Variants in ABL1 observed in about 807,000 individuals in gnomAD.
ABL1 encodes tyrosine-protein kinase ABL1.
In ABL1, 11 loss-of-function variants were observed where a neutral mutation model predicts 94.7. The observed-to-expected ratio is 0.12, with a 90% confidence interval of 0.07 to 0.19. ABL1 has a LOEUF of 0.19. Ranked by LOEUF, ABL1 falls within the 10% of genes least tolerant of loss-of-function variation. ABL1 has a pLI of 1.00. For synonymous variants in ABL1, 656 were observed against 622.4 expected, an observed-to-expected ratio of 1.05 and a Z score of -0.80; for missense variants, 1,082 against 1,489.4, an observed-to-expected ratio of 0.73 and a Z score of 4.50.
rs574838685 is a variant in ABL1, at chr9:130,744,649, G to A, written c.136+30194G>A. ...AGGCGGATCACGAGGTCAGGAGATC[G>A]AGACCATCCTGGCTAATGTGATGAA... On this transcript the variant is annotated intron_variant, in intron 1 of 10. Transcript: ENST00000372348. 5.3e-5 allele frequency among the ~76,000 whole-genome samples: 8 copies of A among 150,000 alleles called. No individual in the cohort carries two copies. The South Asian group carries it at 1.5e-3, about 28-fold the overall frequency.
exon 1 of ABL1, among the ~76,000 whole-genome samples, chr9:130,713,155 C>T (rs969948001): frequency 6.6e-5 from 10 of 152,194 alleles, no homozygotes; most frequent in African/African-American, 1.2e-4. Context: ...CGGCCCCTAC[C>T]GGCGGGGGGC....
intron 1 of ABL1, among the ~76,000 whole-genome samples, chr9:130,753,084 G>C (rs1483930683): frequency 6.6e-6 from 1 of 151,434 alleles, no homozygotes; most frequent in African/African-American, 2.4e-5. Flanking sequence ...GTGAAACCCC[G>C]TCTCTACCAA....
chr9:130,852,963 G>A (rs912277383), intron 1 of ABL1, among the ~76,000 whole-genome samples: 3 of 152,090 alleles, frequency 2.0e-5, no homozygotes, highest in African/African-American at 7.2e-5. Flanking sequence ...GTCTTGTGAA[G>A]TAAGTCCTCA....
intron 1 of ABL1, among the ~76,000 whole-genome samples, chr9:130,775,206 A>G (rs954327764): frequency 4.6e-5 from 7 of 152,356 alleles, no homozygotes; most frequent in South Asian, 4.1e-4. Flanking sequence ...ATTCCCAAAG[A>G]TAAAGCTTCT....
chr9:130,827,630 C>T (rs937993641), intron 1 of ABL1, among the ~76,000 whole-genome samples: 3 of 152,178 alleles, frequency 2.0e-5, no homozygotes, highest in African/African-American at 7.2e-5. Context: ...CACCATGACT[C>T]ACGCCTGTAA....
At chr9:130,871,423 C>A (rs1158569701) in intron 4 of ABL1, among the ~76,000 whole-genome samples, 3 of 152,170 alleles carry the variant, frequency 2.0e-5, no homozygotes, top group Non-Finnish European at 2.9e-5. Context: ...TTTTCTCCCC[C>A]TTGGCATTTA....
chr9:130,757,015 A>AC (rs1312667545), intron 1 of ABL1, among the ~76,000 whole-genome samples: 2 of 152,060 alleles, frequency 1.3e-5, no homozygotes, highest in Non-Finnish European at 2.9e-5. Context: ...GGAAAGGGGG[A>AC]CCCAGAACAT....
Position 130,835,577 on chromosome 9 carries a change from C to G in ABL1, c.79+52C>G. ...TGAGTAGCCGCGCGCCCTCCCGCTG[C>G]TGCTGGGCCCTTCCTAGGCCTCGCC... is the stretch of plus-strand genomic sequence containing the variant. On this transcript the variant is annotated intron_variant, in intron 1 of 10. Transcript: ENST00000318560. The surrounding 1 kb of genome is among the most constrained non-coding windows in gnomAD (Gnocchi z 4.6). The G allele has an allele frequency of 6.7e-7, 1 of 1,487,698 alleles. No homozygotes were observed. Among genetic ancestry groups the G allele is most frequent in the South Asian group, 1.2e-5 (1 of 82,532 alleles). The allele number at this position is 1,487,698 out of a possible 1,614,324, so 92.2% of individuals were successfully genotyped here.
At chr9:130,837,781 C>T (rs1830611290) in intron 1 of ABL1, among the ~76,000 whole-genome samples, 1 of 152,228 alleles carries the variant, frequency 6.6e-6, no homozygotes, top group Non-Finnish European at 1.5e-5. Context: ...TAGTTCCTAA[C>T]ATCTGGATGA....
At chr9:130,871,442 G>A (rs1831250837) in intron 4 of ABL1, among the ~76,000 whole-genome samples, 1 of 152,136 alleles carries the variant, frequency 6.6e-6, no homozygotes, top group African/African-American at 2.4e-5. Flanking sequence ...TAGATACCAT[G>A]GACTTGTTAA....
At chr9:130,771,900 C>T (rs1278298270) in intron 1 of ABL1, among the ~76,000 whole-genome samples, 5 of 151,984 alleles carry the variant, frequency 3.3e-5, no homozygotes, top group Middle Eastern at 3.4e-3. Flanking sequence ...GCTACAGGCA[C>T]GTGCCACCAC....
At chr9:130,728,047 TCA>T (rs1403936301) in intron 1 of ABL1, among the ~76,000 whole-genome samples, 1 of 151,830 alleles carries the variant, frequency 6.6e-6, no homozygotes, top group Admixed American at 6.6e-5. Context: ...ATAAATACTC[TCA>T]GTTTTTGCCT....
intron 1 of ABL1, among the ~76,000 whole-genome samples, chr9:130,817,745 C>T (rs1053149539): frequency 6.6e-6 from 1 of 152,190 alleles, no homozygotes; most frequent in East Asian, 1.9e-4. Context: ...TCTAACAGAT[C>T]CATATGTGTC....
chr9:130,738,905 C>G (rs2132708557), intron 1 of ABL1, among the ~76,000 whole-genome samples: 1 of 152,202 alleles, frequency 6.6e-6, no homozygotes. Flanking sequence ...TCTTTTGAGA[C>G]AGGGTCTTGC....
intron 1 of ABL1, among the ~76,000 whole-genome samples, chr9:130,801,457 A>G (rs1411483725): frequency 1.3e-5 from 2 of 149,508 alleles, no homozygotes; most frequent in Non-Finnish European, 3.0e-5. Flanking sequence ...CGATCTCTTG[A>G]CCTCGTGATC....
intron 1 of ABL1, among the ~76,000 whole-genome samples, chr9:130,828,153 C>G (rs1265583034): frequency 6.6e-6 from 1 of 152,028 alleles, no homozygotes; most frequent in Non-Finnish European, 1.5e-5. Context: ...GGCAAGATCA[C>G]AGCTCACTGC....
intron 1 of ABL1, among the ~76,000 whole-genome samples, chr9:130,815,175 A>G (rs1165091158): frequency 6.6e-6 from 1 of 151,944 alleles, no homozygotes; most frequent in Non-Finnish European, 1.5e-5. Context: ...CTCTACTAAA[A>G]GTACAAAAAT....
rs924060073 is a variant in ABL1, at chr9:130,866,344, T to TA, written c.822+3318dup. On this transcript the variant is annotated intron_variant, in intron 4 of 10. Coordinates refer to ENST00000318560, the MANE Select transcript of ABL1 (RefSeq NM_005157.6). Reference sequence around the variant, plus strand: ...TTACATAAGCCACAGTTATGCCTTTTAAAAAAAAATCACCTTTTCCCCCCA... The same window carrying TA: ...TTACATAAGCCACAGTTATGCCTTTTAAAAAAAAAATCACCTTTTCCCCCCA... 1.9e-3 allele frequency among the ~76,000 whole-genome samples: 287 copies of TA among 151,750 alleles called. 4 individuals carry two copies. The highest frequency in any genetic ancestry group is 0.017 in the Admixed American group (263 of 15,220).
In ABL1 at chr9:130,739,680, T is replaced by C. The variant is rs117437120; in HGVS notation, c.136+25225T>C. On this transcript the variant is annotated intron_variant, in intron 1 of 10. Transcript: ENST00000372348. ...ACATCAGGAACTCATAATTACTGTA[T>C]GGATTTTATAAGTTGATCCAACCAT... Among the ~76,000 whole-genome samples, 17 of 152,302 alleles carry C rather than the reference T, an allele frequency of 1.1e-4. No individual in the cohort carries two copies. In the East Asian group the frequency reaches 3.3e-3, roughly 29 times the overall value.
Sources: gnomAD v4.1 joint callset for allele counts (sites outside exome capture counted in the v4.1 genomes callset) on GRCh38, gnomAD v4.1.1 for gene constraint, Gnocchi (gnomAD v3.1) non-coding constraint, MANE v1.5 for transcripts, NCBI Gene and HGNC (gene_info 2026-07-23, HGNC 2026-07-21) for gene names.